The following MSI2 variants were observed in gnomAD, a reference collection of about 807,000 sequenced individuals.
MSI2 encodes the protein musashi RNA binding protein 2, also known as RNA-binding protein Musashi homolog 2.
In MSI2, 17 loss-of-function variants were observed where a neutral mutation model predicts 45.6. The observed-to-expected ratio is 0.37, with a 90% CI of 0.26 to 0.56. The LOEUF is 0.56. Ranked by LOEUF, MSI2 falls within the 20% of genes least tolerant of loss-of-function variation. MSI2 has a pLI of 0.77. For synonymous variants in MSI2, 156 were observed against 158.2 expected, an observed-to-expected ratio of 0.99 and a Z score of 0.11; for missense variants, 293 against 444.2, an observed-to-expected ratio of 0.66 and a Z score of 3.06.
intron 6 of MSI2, among the ~76,000 whole-genome samples, chr17:57,474,951 A>C (rs2085510251): frequency 6.6e-6 from 1 of 151,956 alleles, no homozygotes; most frequent in South Asian, 2.1e-4. Flanking sequence ...CAAATGCCTG[A>C]CCTCAAGTGA....
At chr17:57,641,699 T>A (rs1014461119) in intron 10 of MSI2, among the ~76,000 whole-genome samples, 5 of 152,068 alleles carry the variant, frequency 3.3e-5, no homozygotes, top group Non-Finnish European at 7.4e-5. Context: ...AGGGTGTGAT[T>A]GGAAAGAAAA....
intron 8 of MSI2, among the ~76,000 whole-genome samples, chr17:57,600,179 C>T (rs1001501249): frequency 6.6e-6 from 1 of 152,160 alleles, no homozygotes; most frequent in African/African-American, 2.4e-5. Flanking sequence ...TCAGAGACTG[C>T]CAAACAAGAA....
the MSI2 span, among the ~76,000 whole-genome samples, chr17:57,691,859 T>C: frequency 6.6e-6 from 1 of 152,176 alleles, no homozygotes; most frequent in Admixed American, 6.5e-5. Context: ...CTAGGAGCTC[T>C]AGTACAATGT....
chr17:57,320,469 C>T (rs1913243125), intron 5 of MSI2, among the ~76,000 whole-genome samples: 1 of 152,118 alleles, frequency 6.6e-6, no homozygotes. Flanking sequence ...GTTAGGTATG[C>T]TGGGGCTGTT....
intron 5 of MSI2, among the ~76,000 whole-genome samples, chr17:57,392,237 G>C (rs190948289): frequency 3.9e-5 from 6 of 152,334 alleles, no homozygotes; most frequent in Admixed American, 3.3e-4. Context: ...ATTACTCTCT[G>C]ATAGTAATCT....
intron 5 of MSI2, among the ~76,000 whole-genome samples, chr17:57,309,053 T>C (rs1912150928): frequency 6.6e-6 from 1 of 152,216 alleles, no homozygotes; most frequent in Non-Finnish European, 1.5e-5. Flanking sequence ...TATTAGCTCA[T>C]GTGATCCTAC....
chr17:57,398,786 C>T (rs1194034863), intron 5 of MSI2, among the ~76,000 whole-genome samples: 1 of 152,212 alleles, frequency 6.6e-6, no homozygotes, highest in Non-Finnish European at 1.5e-5. Flanking sequence ...AGAATATAAG[C>T]TCCGGCACCT....
chr17:57,476,944 T>C (rs1039752966), intron 6 of MSI2, among the ~76,000 whole-genome samples: 1 of 152,142 alleles, frequency 6.6e-6, no homozygotes, highest in Non-Finnish European at 1.5e-5. Context: ...TTAAAGCTTG[T>C]AAAACAAGAT....
intron 11 of MSI2, chr17:57,671,418 G>A (rs1912762825): frequency 2.0e-5 from 3 of 152,208 alleles, no homozygotes; most frequent in South Asian, 2.1e-4. Flanking sequence ...TGCCCACTAA[G>A]AGCCATGTCC....
chr17:57,543,124 T>G (rs974708469), intron 7 of MSI2, among the ~76,000 whole-genome samples: 3 of 152,102 alleles, frequency 2.0e-5, no homozygotes, highest in African/African-American at 7.2e-5. Context: ...AAAACGGAGG[T>G]GCAGGAGCCC....
At chr17:57,408,770 T>C (rs2143168090) in intron 6 of MSI2, among the ~76,000 whole-genome samples, 1 of 152,296 alleles carries the variant, frequency 6.6e-6, no homozygotes, top group South Asian at 2.1e-4. Context: ...TTCAAGCTTG[T>C]GCCAGTGGGT....
At chr17:57,650,142 A>G (rs375356701) in intron 10 of MSI2, among the ~76,000 whole-genome samples, 2 of 151,494 alleles carry the variant, frequency 1.3e-5, no homozygotes, top group East Asian at 1.9e-4. Context: ...TCCAAAATGC[A>G]CTCAATTCCA....
chr17:57,573,138 T>C (rs570771563), intron 7 of MSI2, among the ~76,000 whole-genome samples: 4 of 152,342 alleles, frequency 2.6e-5, no homozygotes, highest in Non-Finnish European at 5.9e-5. Flanking sequence ...GGGGACCACT[T>C]GTCAGTGTCT....
At chr17:57,670,599 C>A (rs970092205) in intron 11 of MSI2, among the ~76,000 whole-genome samples, 1 of 152,250 alleles carries the variant, frequency 6.6e-6, no homozygotes, top group Non-Finnish European at 1.5e-5. Flanking sequence ...TGCATCTCCT[C>A]TTGCCGTCCT....
intron 6 of MSI2, among the ~76,000 whole-genome samples, chr17:57,479,469 A>G (rs1185108945): frequency 6.6e-6 from 1 of 152,066 alleles, no homozygotes; most frequent in Non-Finnish European, 1.5e-5. Context: ...TGTTTTCCCA[A>G]CCCTGCTGTG....
chr17:57,392,667 A>G (rs2083816139), intron 5 of MSI2, among the ~76,000 whole-genome samples: 1 of 152,212 alleles, frequency 6.6e-6, no homozygotes, highest in South Asian at 2.1e-4. Context: ...CTTTGAAGTT[A>G]AATTAATTTT....
At chr17:57,284,107 T>A (rs190165419) in intron 5 of MSI2, among the ~76,000 whole-genome samples, 1 of 152,222 alleles carries the variant, frequency 6.6e-6, no homozygotes, top group African/African-American at 2.4e-5. Flanking sequence ...TTTTTAATTC[T>A]CAAAAGGGGC....
At chr17:57,645,849 C>A (rs73992137) in intron 10 of MSI2, among the ~76,000 whole-genome samples, 4 of 152,280 alleles carry the variant, frequency 2.6e-5, no homozygotes, top group African/African-American at 9.6e-5. Context: ...CAGTGAGCAA[C>A]CAGGGTTGAG....
chr17:57,676,525 A>T (rs1337302221), intron 12 of MSI2, among the ~76,000 whole-genome samples: 4 of 152,184 alleles, frequency 2.6e-5, no homozygotes, highest in African/African-American at 4.8e-5. Context: ...ACACAGACCC[A>T]ATTTGTTCTT....
Sources: allele counts gnomAD v4.1 joint callset (sites outside exome capture counted in the v4.1 genomes callset), GRCh38; gene constraint gnomAD v4.1.1; transcripts MANE v1.5; gene names NCBI Gene and HGNC (gene_info 2026-07-23, HGNC 2026-07-21).